Variants in CYTH3 observed in about 807,000 individuals in gnomAD.
CYTH3 encodes the protein cytohesin 3, also known as cytohesin-3.
CYTH3 carries 23 observed loss-of-function variants against 55.1 expected under a neutral mutation model. The observed-to-expected ratio is 0.42, with a 90% CI of 0.30 to 0.59. The LOEUF (loss-of-function observed/expected upper bound fraction) is 0.59, where lower values mean the gene tolerates loss of function less well. Ranked by LOEUF, CYTH3 falls within the 20% of genes least tolerant of loss-of-function variation. The pLI, the probability that CYTH3 is intolerant of heterozygous loss-of-function variation, is 0.20. For missense variants in CYTH3, 413 were observed against 524.8 expected, an observed-to-expected ratio of 0.79 and a Z score of 2.08; for synonymous variants, 249 against 194.9, an observed-to-expected ratio of 1.28 and a Z score of -2.31.
In CYTH3 at chr7:6,164,234, C is replaced by G. The variant is rs137857040; in HGVS notation, c.*710G>C. The G allele has an allele frequency of 6.6e-6, 1 of 152,550 alleles. No homozygotes were observed. Among genetic ancestry groups the G allele is most frequent in the African/African-American group, 2.4e-5 (1 of 41,460 alleles). 9.4% of individuals were successfully genotyped at this position (152,550 alleles called of 1,614,324 possible). ...GACAGCCTGACAGGGCAGGGCTGCACGCTGCCCCCGTGCCGGTGCCCCCAG... is the reference window on the plus strand; with the variant it reads ...GACAGCCTGACAGGGCAGGGCTGCAGGCTGCCCCCGTGCCGGTGCCCCCAG... On this transcript the variant is annotated 3_prime_UTR_variant, in exon 13 of 13. Coordinates refer to ENST00000350796, the MANE Select transcript of CYTH3 (RefSeq NM_004227.4).
chr7:6,232,357 C>G (rs1779408597), intron 1 of CYTH3, among the ~76,000 whole-genome samples: 1 of 152,174 alleles, frequency 6.6e-6, no homozygotes, highest in African/African-American at 2.4e-5. Flanking sequence ...TGGAGATGCT[C>G]TACCCGGCAC....
chr7:6,230,090 A>G (rs1338631270), intron 1 of CYTH3, among the ~76,000 whole-genome samples: 1 of 152,098 alleles, frequency 6.6e-6, no homozygotes, highest in Non-Finnish European at 1.5e-5. Context: ...GCCAGAGATT[A>G]TGCCACTGCA....
Position 6,258,261 on chromosome 7 carries a change from C to G in CYTH3, c.34+14213G>C, listed in dbSNP as rs1014021609. Among the ~76,000 whole-genome samples, 4 of 150,330 alleles carry G rather than the reference C, an allele frequency of 2.7e-5. No homozygotes were observed. In the East Asian group the frequency reaches 7.8e-4, roughly 29 times the overall value. On this transcript the variant is annotated intron_variant, in intron 1 of 12. Coordinates refer to ENST00000350796, the MANE Select transcript of CYTH3 (RefSeq NM_004227.4). ...CAAGGAGGTTGAGACCGCAAAGAGC[C>G]ATGATCATGCCACTGCACTCTGGCA... is the stretch of plus-strand genomic sequence containing the variant.
Position 6,244,419 on chromosome 7 carries a change from A to C in CYTH3, c.34+28055T>G, listed in dbSNP as rs576153865. The stretch of plus-strand genomic sequence containing the variant: ...TCTGAAGTACCCTAGTAGAATCCAA[A>C]AACAAACTGAAAGGAAAAAGACCAG... On this transcript the variant is annotated intron_variant, in intron 1 of 12. Transcript: ENST00000350796. 2.0e-5 allele frequency among the ~76,000 whole-genome samples: 3 copies of C among 152,342 alleles called. No individual in the cohort carries two copies. The South Asian group carries it at 6.2e-4, about 32-fold the overall frequency.
rs1783165622 is a variant in CYTH3 at position 6,170,844 on chromosome 7, C to G, written c.697G>C (p.Glu233Gln). The change falls in exon 8 of 13, where the codon GAG (glutamate) becomes CAG (glutamine). Residue 233 changes from glutamate to glutamine, a missense_variant. Transcript: ENST00000350796. The surrounding 1 kb of genome is among the most constrained non-coding windows in gnomAD (Gnocchi z 7.8). ...GGGGAGCTCACCCTCAGCAGCTCCTCAGGGAGGTCCCCGCCCTCGTTGATG... is the reference window on the plus strand; with the variant it reads ...GGGGAGCTCACCCTCAGCAGCTCCTGAGGGAGGTCCCCGCCCTCGTTGATG... ...RGINEGGDLPEELLRNLYESI... is the reference protein window; with the variant it reads ...RGINEGGDLPQELLRNLYESI... The G allele has an allele frequency of 6.2e-7, 1 of 1,612,156 alleles. No homozygotes were observed. The highest frequency in any genetic ancestry group is 1.7e-5 in the Admixed American group (1 of 59,860).
At chr7:6,168,187 G>A (rs1783065638) in intron 9 of CYTH3, among the ~76,000 whole-genome samples, 2 of 149,558 alleles carry the variant, frequency 1.3e-5, no homozygotes, top group African/African-American at 4.9e-5. Flanking sequence ...CACACTTTCT[G>A]TATGGCAGCT....
intron 9 of CYTH3, among the ~76,000 whole-genome samples, chr7:6,168,691 A>G (rs1783084193): frequency 6.6e-6 from 1 of 152,172 alleles, no homozygotes; most frequent in Admixed American, 6.5e-5. Flanking sequence ...CACTGTGTGC[A>G]CTCATTTCAT....
Position 6,165,038 on chromosome 7 carries a change from A to G in CYTH3, c.1128-22T>C, listed in dbSNP as rs754428524. ...GGCTCTGGTGAAAAAAGGAAAACAC[A>G]CAGGTTAGGTCGTGGGTGACACACA... is the stretch of plus-strand genomic sequence containing the variant. On this transcript the variant is annotated intron_variant, in intron 12 of 12. Transcript: ENST00000350796. 7 of 1,614,004 alleles carry G rather than the reference A, an allele frequency of 4.3e-6. No individual in the cohort carries two copies. In the East Asian group the frequency reaches 6.7e-5, roughly 15 times the overall value.
chr7:6,234,786 C>A (rs1354851001), intron 1 of CYTH3, among the ~76,000 whole-genome samples: 1 of 152,192 alleles, frequency 6.6e-6, no homozygotes, highest in Non-Finnish European at 1.5e-5. Context: ...CAGGACAATT[C>A]TTGGTCAAGA....
rs1782910875 is a variant in CYTH3 at position 6,163,840 on chromosome 7, A to G, written c.*1104T>C. On this transcript the variant is annotated 3_prime_UTR_variant, in exon 13 of 13. Transcript: ENST00000350796. The stretch of plus-strand genomic sequence containing the variant: ...CTGGTCAAATTAGAAAGTCTGTAAA[A>G]TAAGCGTTCATTTTGCCACAGGTTT... 6.6e-6 allele frequency: 1 copy of G among 152,194 alleles called. No individual in the cohort carries two copies. Among genetic ancestry groups the G allele is most frequent in the South Asian group, 2.1e-4 (1 of 4,828 alleles). The allele number at this position is 152,194 out of a possible 1,614,324, so 9.4% of individuals were successfully genotyped here. A position where few individuals can be genotyped will look rare whatever the true frequency, so the allele number is the denominator to read the frequency against.
At chr7:6,246,493 T>C (rs1290260128) in intron 1 of CYTH3, among the ~76,000 whole-genome samples, 1 of 152,348 alleles carries the variant, frequency 6.6e-6, no homozygotes, top group South Asian at 2.1e-4. Flanking sequence ...GGAATGCATA[T>C]ATCCTCACAC....
intron 9 of CYTH3, 85 bp from the exon 10 acceptor site, chr7:6,165,895 C>A (rs1001895053): frequency 3.6e-6 from 5 of 1,376,832 alleles, no homozygotes; most frequent in Admixed American, 1.9e-5. Context: ...CTGCACAGAC[C>A]ACTGCGTTTT....
At chr7:6,216,916 CT>C (rs1199082573) in intron 1 of CYTH3, among the ~76,000 whole-genome samples, 160 of 140,590 alleles carry the variant, frequency 1.1e-3, no homozygotes, top group Non-Finnish European at 7.0e-4. Context: ...TCGATAATGA[CT>C]TTTTTTTTTT....
chr7:6,212,519 T>C (rs1193217930), intron 1 of CYTH3: 2 of 152,186 alleles, frequency 1.3e-5, no homozygotes, highest in Non-Finnish European at 2.9e-5. Flanking sequence ...TCACACAGTA[T>C]GTGTCTTGTG....
Position 6,170,259 on chromosome 7 carries a change from C to G in CYTH3, c.823+276G>C. On this transcript the variant is annotated intron_variant, in intron 9 of 12. Coordinates refer to ENST00000350796, the MANE Select transcript of CYTH3 (RefSeq NM_004227.4). The surrounding 1 kb of genome is among the most constrained non-coding windows in gnomAD (Gnocchi z 7.8). Reference sequence around the variant, plus strand: ...CGCTTGCTTCTCGTGCAGGAAGCTGCCCTGGCTGGATCTGGATGCTAACTC... The same window carrying G: ...CGCTTGCTTCTCGTGCAGGAAGCTGGCCTGGCTGGATCTGGATGCTAACTC... 1 of 459,990 alleles carries G rather than the reference C, an allele frequency of 2.2e-6. No homozygotes were observed. Among genetic ancestry groups the G allele is most frequent in the Non-Finnish European group, 3.9e-6 (1 of 259,288 alleles). The allele number at this position is 459,990 out of a possible 1,614,324, so 28.5% of individuals were successfully genotyped here.
At chr7:6,201,012 G>T (rs1036956322) in intron 1 of CYTH3, among the ~76,000 whole-genome samples, 1 of 152,102 alleles carries the variant, frequency 6.6e-6, no homozygotes, top group Admixed American at 6.5e-5. Context: ...CCTCTACTTC[G>T]GCCTCCCAAA....
In CYTH3 at chr7:6,262,995, T is replaced by G. The variant is rs150811384; in HGVS notation, c.34+9479A>C. Reference sequence around the variant, plus strand: ...AAAATGAACCCTCACAATAGTTTTTTCCCCTGTTCATTAAGCAACACCACT... The same window carrying G: ...AAAATGAACCCTCACAATAGTTTTTGCCCCTGTTCATTAAGCAACACCACT... On this transcript the variant is annotated intron_variant, in intron 1 of 12. Coordinates refer to ENST00000350796, the MANE Select transcript of CYTH3 (RefSeq NM_004227.4). Among the ~76,000 whole-genome samples, 32 of 152,234 alleles carry G rather than the reference T, an allele frequency of 2.1e-4. No homozygotes were observed. The East Asian group carries it at 5.8e-3, about 28-fold the overall frequency.
chr7:6,190,082 G>A (rs1437663912), intron 2 of CYTH3, among the ~76,000 whole-genome samples: 2 of 152,084 alleles, frequency 1.3e-5, no homozygotes, highest in African/African-American at 2.4e-5. Flanking sequence ...ATTAGTTAAC[G>A]AAAGAGGGTC....
At chr7:6,242,496 C>T (rs1779701109) in intron 1 of CYTH3, among the ~76,000 whole-genome samples, 1 of 151,622 alleles carries the variant, frequency 6.6e-6, no homozygotes, top group African/African-American at 2.4e-5. Flanking sequence ...CCTCCCTCAG[C>T]CTCCTGAGTA....
Sources: gnomAD v4.1 joint callset for allele counts (sites outside exome capture counted in the v4.1 genomes callset) on GRCh38, gnomAD v4.1.1 for gene constraint, Gnocchi (gnomAD v3.1) non-coding constraint, MANE v1.5 for transcripts, NCBI Gene and HGNC (gene_info 2026-07-23, HGNC 2026-07-21) for gene names.